The following CACNB4 variants were observed in gnomAD, a reference collection of about 807,000 sequenced individuals.
The protein encoded by CACNB4 is voltage-dependent L-type calcium channel subunit beta-4.
Under a neutral mutation model 71.2 loss-of-function variants are expected in CACNB4, and 32 were observed. The ratio of observed to expected loss-of-function variants is 0.45; its 90% CI spans 0.34 to 0.60. The LOEUF (loss-of-function observed/expected upper bound fraction) is 0.60, where lower values mean the gene tolerates loss of function less well. CACNB4 is among the 20% of genes least tolerant of loss of function. The pLI, the probability that CACNB4 is intolerant of heterozygous loss-of-function variation, is 0.01. For synonymous variants in CACNB4, 231 were observed against 236.9 expected (o/e 0.97, Z 0.23); for missense variants, 464 against 647.9 (o/e 0.72, Z 3.08).
rs566373089 is a variant in CACNB4 at position 152,038,087 on chromosome 2, A to G, written c.147+60243T>C. Among the ~76,000 whole-genome samples, 4 of 152,364 alleles carry G rather than the reference A, an allele frequency of 2.6e-5. No individual in the cohort carries two copies. In the South Asian group the frequency reaches 8.3e-4, roughly 32 times the overall value. On this transcript the variant is annotated intron_variant, in intron 2 of 13. Coordinates refer to ENST00000539935, the MANE Select transcript of CACNB4 (RefSeq NM_000726.5). ...CCAAAGAAATGCATGTCAGGAACCT[A>G]CTGGGATCTACCATGCTGTATTTGG... is the stretch of plus-strand genomic sequence containing the variant.
intron 13 of CACNB4, among the ~76,000 whole-genome samples, chr2:151,841,287 G>C (rs1167740006): frequency 6.6e-6 from 1 of 152,190 alleles, no homozygotes; most frequent in East Asian, 1.9e-4. Flanking sequence ...AGAAGTAATG[G>C]AGGGGCCAGG....
intron 11 of CACNB4, 151 bp from the exon 12 acceptor site, chr2:151,853,694 T>A: frequency 1.9e-6 from 1 of 535,514 alleles, no homozygotes; most frequent in Non-Finnish European, 3.3e-6. Context: ...TGTAATGATG[T>A]CATCTGCTTA....
At chr2:151,941,635 C>T (rs2099864281) in intron 2 of CACNB4, among the ~76,000 whole-genome samples, 1 of 152,050 alleles carries the variant, frequency 6.6e-6, no homozygotes, top group Admixed American at 6.6e-5. Context: ...ACTAGCATCT[C>T]CCCTCAAGAA....
chr2:152,056,189 C>T (rs965433104), intron 2 of CACNB4, among the ~76,000 whole-genome samples: 3 of 151,954 alleles, frequency 2.0e-5, no homozygotes, highest in East Asian at 1.9e-4. Context: ...GGTGAAACCC[C>T]GTCTCTACTA....
chr2:151,907,657 T>C (rs1195461313), intron 2 of CACNB4, among the ~76,000 whole-genome samples: 2 of 152,238 alleles, frequency 1.3e-5, no homozygotes, highest in African/African-American at 4.8e-5. Context: ...TGTGTGTTTT[T>C]TAAAATCAAA....
chr2:151,898,947 C>A (rs770434468), intron 2 of CACNB4, among the ~76,000 whole-genome samples: 3 of 152,220 alleles, frequency 2.0e-5, no homozygotes, highest in African/African-American at 4.8e-5. Flanking sequence ...AAGAGGCAGG[C>A]AGGATGTCCA....
intron 2 of CACNB4, among the ~76,000 whole-genome samples, chr2:151,948,783 T>C (rs1205994294): frequency 6.6e-6 from 1 of 152,106 alleles, no homozygotes; most frequent in Non-Finnish European, 1.5e-5. Flanking sequence ...CAGTACAGAG[T>C]GTAAGTGGAA....
chr2:151,870,921 G>A (rs1209310363), intron 6 of CACNB4, 60 bp from the exon 7 acceptor site: 2 of 1,239,678 alleles, frequency 1.6e-6, no homozygotes, highest in Non-Finnish European at 2.3e-6. Flanking sequence ...GACAGTACAT[G>A]AGTTTAAAAG....
At chr2:152,085,095 G>T (rs1005246833) in intron 2 of CACNB4, among the ~76,000 whole-genome samples, 1 of 152,186 alleles carries the variant, frequency 6.6e-6, no homozygotes, top group East Asian at 1.9e-4. Flanking sequence ...CAAGTGGGAA[G>T]ATTATCAAGT....
At chr2:151,991,847 G>A (rs1195767071) in intron 2 of CACNB4, among the ~76,000 whole-genome samples, 1 of 152,170 alleles carries the variant, frequency 6.6e-6, no homozygotes, top group Non-Finnish European at 1.5e-5. Context: ...CCTCAAAGCA[G>A]AACCTAAGAT....
intron 2 of CACNB4, among the ~76,000 whole-genome samples, chr2:152,051,477 G>A: frequency 6.6e-6 from 1 of 152,158 alleles, no homozygotes; most frequent in East Asian, 1.9e-4. Context: ...GGCATTTGGA[G>A]ATGGAGCGCT....
chr2:151,963,050 C>G (rs1046697750), intron 2 of CACNB4: 1 of 152,150 alleles, frequency 6.6e-6, no homozygotes, highest in Non-Finnish European at 1.5e-5. Context: ...CGGTGGCTCA[C>G]GTCTGTAATC....
At chr2:151,957,950 G>A (rs4664511) in intron 2 of CACNB4, among the ~76,000 whole-genome samples, 127,549 of 152,144 alleles carry the variant, frequency 0.84, 54,817 homozygotes, top group Middle Eastern at 0.93. Flanking sequence ...AGATCAAGTA[G>A]GTTTGGAATA....
chr2:151,870,772 G>T, intron 7 of CACNB4, 70 bp downstream of exon 7: 1 of 1,350,186 alleles, frequency 7.4e-7, no homozygotes, highest in Non-Finnish European at 1.1e-6. Flanking sequence ...TTGGGTCACT[G>T]AAATGGAGCA....
At chr2:152,005,885 C>A (rs1682694681) in intron 2 of CACNB4, among the ~76,000 whole-genome samples, 1 of 152,128 alleles carries the variant, frequency 6.6e-6, no homozygotes, top group East Asian at 1.9e-4. Flanking sequence ...AGTACATGGG[C>A]TATTTGGAGG....
chr2:151,914,695 T>A (rs1377779351), intron 2 of CACNB4, among the ~76,000 whole-genome samples: 38 of 152,066 alleles, frequency 2.5e-4, no homozygotes, highest in Admixed American at 2.5e-3. Flanking sequence ...TTGTTGTGGC[T>A]TTCTGCTTGT....
At chr2:151,955,032 T>G (rs2099867879) in intron 2 of CACNB4, among the ~76,000 whole-genome samples, 1 of 151,986 alleles carries the variant, frequency 6.6e-6, no homozygotes, top group Admixed American at 6.6e-5. Flanking sequence ...TTTTTTTGTA[T>G]TTTTAGTAGA....
At chr2:151,976,042 T>G (rs1192534111) in intron 2 of CACNB4, among the ~76,000 whole-genome samples, 1 of 152,204 alleles carries the variant, frequency 6.6e-6, no homozygotes, top group Non-Finnish European at 1.5e-5. Flanking sequence ...AAAGGAAGTT[T>G]TAAAGAGCAG....
chr2:151,883,692 T>TC, intron 2 of CACNB4: 1 of 353,022 alleles, frequency 2.8e-6, no homozygotes, highest in Non-Finnish European at 5.4e-6. Flanking sequence ...ACGTTAGTTT[T>TC]CATCCATCTT....
Sources: gnomAD v4.1 joint callset for allele counts (sites outside exome capture counted in the v4.1 genomes callset) on GRCh38, gnomAD v4.1.1 for gene constraint, MANE v1.5 for transcripts, NCBI Gene and HGNC (gene_info 2026-07-23, HGNC 2026-07-21) for gene names.